Variants in RUFY3 observed in about 807,000 individuals in gnomAD.
RUFY3 encodes RUN and FYVE domain containing 3, also known as protein RUFY3.
A neutral mutation model predicts 84.0 loss-of-function variants in RUFY3; 34 were observed. The ratio of observed to expected loss-of-function variants is 0.40; its 90% CI spans 0.31 to 0.54. The LOEUF (loss-of-function observed/expected upper bound fraction) is 0.54, where lower values mean the gene tolerates loss of function less well. Ranked by LOEUF, RUFY3 falls within the 20% of genes least tolerant of loss-of-function variation. The probability of loss-of-function intolerance (pLI) is 0.39; values close to 1 mark genes in which losing one functional copy is unlikely to be tolerated. For synonymous variants in RUFY3, 242 were observed against 252.9 expected (o/e 0.96, Z 0.41); for missense variants, 507 against 736.8 (o/e 0.69, Z 3.61).
At chr4:70,718,668 G>T (rs559618726), upstream of RUFY3, among the ~76,000 whole-genome samples, 6 of 152,102 alleles carry the variant, frequency 3.9e-5, no homozygotes, top group Non-Finnish European at 7.4e-5. Context: ...CATATTCAAA[G>T]CTAAGATGTT....
intron 1 of RUFY3, among the ~76,000 whole-genome samples, chr4:70,716,845 C>CAAAAAA (rs531822773): frequency 1.4e-5 from 1 of 72,482 alleles, no homozygotes; most frequent in Admixed American, 1.6e-4. Flanking sequence ...AACTCTGTCT[C>CAAAAAA]AAAAAAAAAA....
chr4:70,788,799 G>C lies in RUFY3; in HGVS notation c.1072-7G>C. On this transcript the variant is annotated splice_polypyrimidine_tract_variant and splice_region_variant and intron_variant, in intron 10 of 17. Transcript: ENST00000381006. ...AGTGTAAGCAATTTACTTACCTTTG[G>C]GGGCAGGATGTTGAGAAAGAACTGG... is the stretch of plus-strand genomic sequence containing the variant. 2 of 1,613,608 alleles carry C rather than the reference G, an allele frequency of 1.2e-6. No individual in the cohort carries two copies. Among genetic ancestry groups the C allele is most frequent in the Non-Finnish European group, 1.7e-6 (2 of 1,179,778 alleles).
At chr4:70,725,316 CTT>C (rs1266381929) in intron 1 of RUFY3, among the ~76,000 whole-genome samples, 1 of 151,566 alleles carries the variant, frequency 6.6e-6, no homozygotes, top group Non-Finnish European at 1.5e-5. Context: ...GATTATCTCT[CTT>C]TTGTCTTATA....
chr4:70,734,105 A>G (rs1719894584), intron 1 of RUFY3, among the ~76,000 whole-genome samples: 1 of 151,998 alleles, frequency 6.6e-6, no homozygotes, highest in Non-Finnish European at 1.5e-5. Context: ...TAGGCATTTT[A>G]TTTTGGGTTT....
chr4:70,798,098 G>A (rs1252879262), intron 14 of RUFY3, among the ~76,000 whole-genome samples: 1 of 152,158 alleles, frequency 6.6e-6, no homozygotes. Flanking sequence ...TCAGCTGGGT[G>A]GCTCACACCT....
intron 1 of RUFY3, among the ~76,000 whole-genome samples, chr4:70,731,556 A>T (rs1162668789): frequency 6.6e-6 from 1 of 152,142 alleles, no homozygotes; most frequent in Non-Finnish European, 1.5e-5. Context: ...AAAAGCAATA[A>T]GAAAAGCAGT....
chr4:70,776,550 G>A (rs577846005), intron 7 of RUFY3, among the ~76,000 whole-genome samples: 99 of 152,262 alleles, frequency 6.5e-4, no homozygotes, highest in African/African-American at 2.3e-3. Flanking sequence ...CGAGGCAGGC[G>A]GATCACAAGG....
intron 12 of RUFY3, chr4:70,791,850 C>T: frequency 1.0e-6 from 1 of 985,488 alleles, no homozygotes; most frequent in Non-Finnish European, 1.2e-6. Context: ...TAGTATTTCA[C>T]TACACTTCTA....
intron 1 of RUFY3, among the ~76,000 whole-genome samples, chr4:70,746,135 G>C (rs1237327453): frequency 6.6e-6 from 1 of 152,168 alleles, no homozygotes; most frequent in Non-Finnish European, 1.5e-5. Flanking sequence ...CTTGATGCCA[G>C]GAGTTCAAGG....
chr4:70,774,177 C>A (rs1341440928), intron 6 of RUFY3, among the ~76,000 whole-genome samples: 1 of 152,040 alleles, frequency 6.6e-6, no homozygotes, highest in African/African-American at 2.4e-5. Context: ...TCTCACTGTT[C>A]TTTTAGTAAT....
chr4:70,705,940 G>T (rs1011799135), intron 1 of RUFY3, among the ~76,000 whole-genome samples: 3 of 152,214 alleles, frequency 2.0e-5, no homozygotes, highest in Non-Finnish European at 4.4e-5. Flanking sequence ...GGAATGTGTG[G>T]CTTTGGAAGG....
intron 1 of RUFY3, among the ~76,000 whole-genome samples, chr4:70,730,704 A>G (rs773442233): frequency 2.6e-5 from 4 of 152,070 alleles, no homozygotes; most frequent in Non-Finnish European, 4.4e-5. Flanking sequence ...GCACCACCGC[A>G]CTCACTCCAG....
exon 1 of RUFY3, chr4:70,705,036 C>T: frequency 8.2e-7 from 1 of 1,224,674 alleles, no homozygotes; most frequent in Non-Finnish European, 1.0e-6. Context: ...GCGCCGCGCT[C>T]CCGCCGGGGG....
In RUFY3 at chr4:70,733,156, GAGAGAGAGAGAA is replaced by G. The variant is rs1157563927; in HGVS notation, c.178+10409_178+10420del. Among the ~76,000 whole-genome samples, 204 of 145,798 alleles carry G rather than the reference GAGAGAGAGAGAA, an allele frequency of 1.4e-3. 3 individuals are homozygous for G. The highest frequency in any genetic ancestry group is 4.9e-3 in the African/African-American group (179 of 36,792). On this transcript the variant is annotated intron_variant, in intron 1 of 17. Coordinates refer to ENST00000381006, the MANE Select transcript of RUFY3 (RefSeq NM_001037442.4). Reference sequence around the variant, plus strand: ...AGGGAGGGAGAGAGAGAGAGAGAGAGAGAGAGAGAGAAAGAAAGAAAGAAAAATGGATTTTGT... The same window carrying G: ...AGGGAGGGAGAGAGAGAGAGAGAGAGAGAAAGAAAGAAAAATGGATTTTGT...
At chr4:70,776,352 ACTT>A (rs375799430) in intron 7 of RUFY3, among the ~76,000 whole-genome samples, 19 of 152,264 alleles carry the variant, frequency 1.2e-4, no homozygotes, top group South Asian at 4.1e-4. Flanking sequence ...TTTTCATTGA[ACTT>A]CTTCTTCCTA....
intron 1 of RUFY3, among the ~76,000 whole-genome samples, chr4:70,750,785 T>C (rs1010800816): frequency 1.3e-5 from 2 of 152,226 alleles, no homozygotes; most frequent in African/African-American, 4.8e-5. Context: ...TATTTACATA[T>C]GTCTCTCTCC....
chr4:70,787,197 T>G (rs1397540377), intron 10 of RUFY3, among the ~76,000 whole-genome samples: 3 of 131,222 alleles, frequency 2.3e-5, no homozygotes, highest in Non-Finnish European at 4.7e-5. Flanking sequence ...AATATATATA[T>G]ATATATATAT....
upstream of RUFY3, chr4:70,704,234 CG>C (rs1259431942): frequency 6.6e-6 from 1 of 152,178 alleles, no homozygotes; most frequent in African/African-American, 2.4e-5. Context: ...GCGCACAAGA[CG>C]GGAACAAAAG....
chr4:70,761,272 C>T lies in RUFY3; in HGVS notation c.179-1247C>T, dbSNP rs575957354. On this transcript the variant is annotated intron_variant, in intron 1 of 17. Coordinates refer to ENST00000381006, the MANE Select transcript of RUFY3 (RefSeq NM_001037442.4). ...TTATAAACTGTTACACCTTGGACCA[C>T]CTAGCTATTATGGGCCTGCTTTAGC... Among the ~76,000 whole-genome samples the T allele has an allele frequency of 3.3e-5, 5 of 152,250 alleles. No individual in the cohort carries two copies. In the South Asian group the frequency reaches 1.0e-3, roughly 32 times the overall value.
Sources: gnomAD v4.1 joint callset for allele counts (sites outside exome capture counted in the v4.1 genomes callset) on GRCh38, gnomAD v4.1.1 for gene constraint, MANE v1.5 for transcripts, NCBI Gene and HGNC (gene_info 2026-07-23, HGNC 2026-07-21) for gene names.